PRCD: variants seen among roughly 807,000 people sequenced by gnomAD.
The protein encoded by PRCD is photoreceptor disc component.
In PRCD, 12 loss-of-function variants were observed where a neutral mutation model predicts 10.1. The ratio of observed to expected loss-of-function variants is 1.18; its 90% CI spans 0.76 to 1.92. The LOEUF is 1.92. Among genes scored for constraint, PRCD ranks in the 40% most tolerant of loss-of-function variants. The pLI is 0.00. For missense variants in PRCD, 61 were observed against 72.2 expected (o/e 0.84, Z 0.56); for synonymous variants, 31 against 26.2 (o/e 1.18, Z -0.56).
Position 76,540,472 on chromosome 17 carries a change from A to G in PRCD, c.75-33A>G, listed in dbSNP as rs778591141. 1.9e-6 allele frequency: 3 copies of G among 1,610,326 alleles called. No individual in the cohort carries two copies. The highest frequency in any genetic ancestry group is 1.1e-5 in the South Asian group (1 of 91,024). On this transcript the variant is annotated intron_variant, in intron 1 of 4. Coordinates refer to ENST00000592014, the MANE Select transcript of PRCD (RefSeq NM_001077620.3). This position sits in a 1 kb window ranked among gnomAD's most constrained non-coding sequence, Gnocchi z 5.0. ...GGACAGTGAGGGGCTGGGCACAGCC[A>G]TAGCTCTTCCTCCCTACTCTTGCCT...
upstream of PRCD, chr17:76,538,479 C>A (rs2074949435): frequency 2.1e-6 from 1 of 465,530 alleles, no homozygotes; most frequent in South Asian, 1.6e-5. Context: ...GGCCAGAAGT[C>A]CCCCGTGGCT....
chr17:76,531,340 C>G lies in PRCD; in HGVS notation n.45+3507C>G. The G allele has an allele frequency of 7.5e-7, 1 of 1,331,202 alleles. No homozygotes were observed. Among genetic ancestry groups the G allele is most frequent in the Non-Finnish European group, 1.0e-6 (1 of 970,466 alleles). The allele number at this position is 1,331,202 out of a possible 1,614,324, so 82.5% of individuals were successfully genotyped here. A position where few individuals can be genotyped will look rare whatever the true frequency, so the allele number is the denominator to read the frequency against. On this transcript the variant is annotated intron_variant and non_coding_transcript_variant, in intron 1 of 4. Coordinates refer to the PRCD transcript ENST00000397633. This position sits in a 1 kb window ranked among gnomAD's most constrained non-coding sequence, Gnocchi z 7.4. Reference sequence around the variant, plus strand: ...TCCTGCTGCCGGGCACTGCCCCTCCCTCTCGCAGCCACTCCGGGGATCACC... The same window carrying G: ...TCCTGCTGCCGGGCACTGCCCCTCCGTCTCGCAGCCACTCCGGGGATCACC...
At chr17:76,552,891 TATATATAA>T (rs1326926082) in intron 1 of PRCD, 2 of 125,468 alleles carry the variant, frequency 1.6e-5, no homozygotes, top group Admixed American at 7.9e-5. Flanking sequence ...AATATATATA[TATATATAA>T]AAATATATAT....
Position 76,528,833 on chromosome 17 carries a change from C to T in PRCD, n.45+1000C>T. On this transcript the variant is annotated intron_variant and non_coding_transcript_variant, in intron 1 of 4. Transcript: ENST00000397633. The surrounding 1 kb of genome is among the most constrained non-coding windows in gnomAD (Gnocchi z 5.8). ...CTACTGGCCCATGGGAGCTCCGGAT[C>T]TTTTTCTCTAAAATGTGAATAATGT... The T allele has an allele frequency of 8.3e-7, 1 of 1,202,634 alleles. No homozygotes were observed. Among genetic ancestry groups the T allele is most frequent in the East Asian group, 3.2e-5 (1 of 31,494 alleles). 74.5% of individuals were successfully genotyped at this position (1,202,634 alleles called of 1,614,324 possible).
At position 76,544,959 on chromosome 17, in the gene PRCD, G is replaced by A. The variant is rs1354811429; in HGVS notation, c.*1309G>A. 1.1e-5 allele frequency: 5 copies of A among 456,636 alleles called. No individual in the cohort carries two copies. Among genetic ancestry groups the A allele is most frequent in the Admixed American group, 9.4e-5 (4 of 42,576 alleles). 28.3% of individuals were successfully genotyped at this position (456,636 alleles called of 1,614,324 possible). Reference sequence around the variant, plus strand: ...TGCTCCAGGGATCCATCCAGAGGAAGGGCGGGAAAAAGAGAGGAAGGGGCT... The same window carrying A: ...TGCTCCAGGGATCCATCCAGAGGAAAGGCGGGAAAAAGAGAGGAAGGGGCT... On this transcript the variant is annotated 3_prime_UTR_variant, in exon 5 of 5. Transcript: ENST00000592014.
At chr17:76,529,804 T>A in intron 1 of PRCD, 1 of 985,136 alleles carries the variant, frequency 1.0e-6, no homozygotes, top group Non-Finnish European at 1.2e-6. Context: ...TCCCATTGAC[T>A]CCCAGGTCTC....
Position 76,542,010 on chromosome 17 carries a change from C to T in PRCD, c.144-543C>T, listed in dbSNP as rs531174702. Among the ~76,000 whole-genome samples, 30 of 152,212 alleles carry T rather than the reference C, an allele frequency of 2.0e-4. No individual in the cohort carries two copies. The South Asian group carries it at 5.0e-3, about 25-fold the overall frequency. On this transcript the variant is annotated intron_variant, in intron 2 of 4. Coordinates refer to ENST00000592014, the MANE Select transcript of PRCD (RefSeq NM_001077620.3). ...GAGGTTTCCTACCTATTAAGTCACT[C>T]GGGAGGCTCAGTAACCCCAGAGGAT...
chr17:76,544,187 CA>C lies in PRCD; in HGVS notation c.*542del, dbSNP rs756839135. 33 of 454,408 alleles carry C rather than the reference CA, an allele frequency of 7.3e-5. No individual in the cohort carries two copies. The highest frequency in any genetic ancestry group is 1.4e-4 in the Non-Finnish European group (32 of 226,804). 28.1% of individuals were successfully genotyped at this position (454,408 alleles called of 1,614,324 possible). A position where few individuals can be genotyped will look rare whatever the true frequency, so the allele number is the denominator to read the frequency against. ...CTGATGTCTCACAGCTATTAGTCTT[CA>C]AAAACCCCCCGTGCCTCTGTGCACA... On this transcript the variant is annotated 3_prime_UTR_variant, in exon 5 of 5. Coordinates refer to ENST00000592014, the MANE Select transcript of PRCD (RefSeq NM_001077620.3).
chr17:76,536,875 G>A (rs2074919902), upstream of PRCD, among the ~76,000 whole-genome samples: 1 of 152,174 alleles, frequency 6.6e-6, no homozygotes, highest in Non-Finnish European at 1.5e-5. Context: ...GGGCAGCTGG[G>A]AACACTGGAC....
At chr17:76,546,297 G>A (rs1236438235), downstream of PRCD, 3 of 152,208 alleles carry the variant, frequency 2.0e-5, no homozygotes, top group African/African-American at 7.2e-5. The surrounding 1 kb of genome is among the most constrained non-coding windows in gnomAD (Gnocchi z 4.5). Context: ...GGAGACTGGA[G>A]CATGACCAGG....
rs534615897 is a variant in PRCD at position 76,529,482 on chromosome 17, A to T, written n.45+1649A>T. 1.2e-5 allele frequency: 12 copies of T among 985,336 alleles called. No homozygotes were observed. In the South Asian group the frequency reaches 5.2e-4, roughly 42 times the overall value. The allele number at this position is 985,336 out of a possible 1,614,324, so 61.0% of individuals were successfully genotyped here. A position where few individuals can be genotyped will look rare whatever the true frequency, so the allele number is the denominator to read the frequency against. On this transcript the variant is annotated intron_variant and non_coding_transcript_variant, in intron 1 of 4. Coordinates refer to the PRCD transcript ENST00000397633. ...GGCAGGACGGGCAGCGTGCTGGGGA[A>T]CTTGGGCCATGTGTTTCTGATTCAC... is the stretch of plus-strand genomic sequence containing the variant.
chr17:76,542,051 T>G (rs1834417949), intron 2 of PRCD, among the ~76,000 whole-genome samples: 2 of 152,168 alleles, frequency 1.3e-5, no homozygotes, highest in Non-Finnish European at 2.9e-5. Context: ...GGACATGTGT[T>G]TTTAATCTTT....
At chr17:76,532,353 A>C (rs1598203760) in intron 1 of PRCD, among the ~76,000 whole-genome samples, 1 of 152,126 alleles carries the variant, frequency 6.6e-6, no homozygotes, top group African/African-American at 2.4e-5. Flanking sequence ...TGTGTCAGAC[A>C]TGCCTTACCT....
At chr17:76,539,409 C>T (rs1319918981), upstream of PRCD, among the ~76,000 whole-genome samples, 2 of 152,164 alleles carry the variant, frequency 1.3e-5, no homozygotes, top group Admixed American at 6.5e-5. Flanking sequence ...CTGCACCTGT[C>T]TATTTTGTGA....
At chr17:76,536,350 T>C (rs1390830303), upstream of PRCD, among the ~76,000 whole-genome samples, 2 of 152,148 alleles carry the variant, frequency 1.3e-5, no homozygotes, top group Non-Finnish European at 2.9e-5. Flanking sequence ...AAGGATGCAC[T>C]AAAGCTGCCC....
chr17:76,529,096 G>GGA, intron 1 of PRCD: 1 of 973,226 alleles, frequency 1.0e-6, no homozygotes, highest in Non-Finnish European at 1.2e-6. Flanking sequence ...GAGCAGAGAC[G>GGA]GCTCAATAAA....
At position 76,540,629 on chromosome 17, in the gene PRCD, G is replaced by T; in HGVS notation, c.143+56G>T. ...GGGTGCTGCCAAGGAAGCTGTGGCT[G>T]TGCATGCCTGGGGGTGCACGTGTGT... is the stretch of plus-strand genomic sequence containing the variant. On this transcript the variant is annotated intron_variant, in intron 2 of 4. Coordinates refer to ENST00000592014, the MANE Select transcript of PRCD (RefSeq NM_001077620.3). The surrounding 1 kb of genome is among the most constrained non-coding windows in gnomAD (Gnocchi z 5.0). 6.4e-7 allele frequency: 1 copy of T among 1,552,840 alleles called. No individual in the cohort carries two copies. The highest frequency in any genetic ancestry group is 8.9e-7 in the Non-Finnish European group (1 of 1,127,546).
chr17:76,540,358 C>T lies in PRCD; in HGVS notation c.74+143C>T. On this transcript the variant is annotated intron_variant, in intron 1 of 4. Transcript: ENST00000592014. The surrounding 1 kb of genome is among the most constrained non-coding windows in gnomAD (Gnocchi z 5.0). ...GCATTTTGAGGAACCCTTGAGAGAGCACAGTCTCAGAGCAGGGGGACTTAG... is the reference window on the plus strand; with the variant it reads ...GCATTTTGAGGAACCCTTGAGAGAGTACAGTCTCAGAGCAGGGGGACTTAG... 1 of 1,274,928 alleles carries T rather than the reference C, an allele frequency of 7.8e-7. No homozygotes were observed. The highest frequency in any genetic ancestry group is 1.1e-6 in the Non-Finnish European group (1 of 887,820). The allele number at this position is 1,274,928 out of a possible 1,614,324, so 79.0% of individuals were successfully genotyped here.
In PRCD at chr17:76,544,062, C is replaced by G; in HGVS notation, c.*412C>G. 1 of 454,694 alleles carries G rather than the reference C, an allele frequency of 2.2e-6. No individual in the cohort carries two copies. The highest frequency in any genetic ancestry group is 4.4e-6 in the Non-Finnish European group (1 of 226,976). The allele number at this position is 454,694 out of a possible 1,614,324, so 28.2% of individuals were successfully genotyped here. ...CCTCCTTTGCCCCCAGCTGCTCTGC[C>G]ATTTCTCTCTTTTCAATCCTGCATG... On this transcript the variant is annotated 3_prime_UTR_variant, in exon 5 of 5. Coordinates refer to ENST00000592014, the MANE Select transcript of PRCD (RefSeq NM_001077620.3).
Sources: gnomAD v4.1 joint callset for allele counts (sites outside exome capture counted in the v4.1 genomes callset) on GRCh38, gnomAD v4.1.1 for gene constraint, Gnocchi (gnomAD v3.1) non-coding constraint, MANE v1.5 for transcripts, NCBI Gene and HGNC (gene_info 2026-07-23, HGNC 2026-07-21) for gene names.